C9: variants seen among roughly 807,000 people sequenced by gnomAD.
C9 encodes the protein complement component C9.
C9 carries 63 observed loss-of-function variants against 65.4 expected under a neutral mutation model. That is an observed-to-expected ratio of 0.96 (90% CI 0.79 to 1.19). The LOEUF is 1.19. C9 is among the 50% of genes most tolerant of loss of function. The pLI, the probability that C9 is intolerant of heterozygous loss-of-function variation, is 0.00. For synonymous variants in C9, 229 were observed against 227.9 expected (o/e 1.00, Z -0.04); for missense variants, 744 against 670.1 (o/e 1.11, Z -1.22).
At chr5:39,334,336 C>G (rs536660964) in intron 4 of C9, among the ~76,000 whole-genome samples, 1 of 150,026 alleles carries the variant, frequency 6.7e-6, no homozygotes, top group African/African-American at 2.5e-5. Flanking sequence ...CGTCTCTGCC[C>G]GGCCGCCCCA....
intron 1 of C9, among the ~76,000 whole-genome samples, chr5:39,351,069 C>T (rs750552714): frequency 1.6e-4 from 24 of 152,194 alleles, no homozygotes; most frequent in Admixed American, 5.2e-4. Flanking sequence ...CTTCTGTGCA[C>T]CTGCAGGCCC....
At chr5:39,353,577 A>G (rs758258658) in intron 1 of C9, among the ~76,000 whole-genome samples, 8 of 152,190 alleles carry the variant, frequency 5.3e-5, no homozygotes, top group Non-Finnish European at 8.8e-5. Context: ...TCCCCGTGTA[A>G]TTTAGTTTTC....
At chr5:39,362,670 G>T (rs1233135677) in intron 1 of C9, among the ~76,000 whole-genome samples, 3 of 152,194 alleles carry the variant, frequency 2.0e-5, no homozygotes, top group African/African-American at 4.8e-5. Context: ...GACACTGTTG[G>T]TAAGTAAAGG....
At chr5:39,363,920 C>G (rs1754567632) in intron 1 of C9, among the ~76,000 whole-genome samples, 1 of 152,164 alleles carries the variant, frequency 6.6e-6, no homozygotes, top group Admixed American at 6.5e-5. Flanking sequence ...CTGAACACAA[C>G]TCAGGATGTC....
intron 9 of C9, among the ~76,000 whole-genome samples, chr5:39,295,851 A>G (rs1019611072): frequency 1.3e-5 from 2 of 151,824 alleles, no homozygotes; most frequent in Non-Finnish European, 3.0e-5. Flanking sequence ...AGCAAATGGA[A>G]CAGAACAGAG....
intron 4 of C9, among the ~76,000 whole-genome samples, chr5:39,333,010 G>T (rs779020204): frequency 6.6e-6 from 1 of 152,086 alleles, no homozygotes; most frequent in African/African-American, 2.4e-5. Context: ...CTGACATATA[G>T]ATAAAATTGA....
At chr5:39,295,761 T>C (rs993849991) in intron 9 of C9, among the ~76,000 whole-genome samples, 5 of 151,570 alleles carry the variant, frequency 3.3e-5, no homozygotes, top group African/African-American at 1.2e-4. Context: ...GCTAGGAGTA[T>C]CGCATTATCG....
chr5:39,288,878 G>A lies in C9; in HGVS notation c.1490C>T (p.Ala497Val), dbSNP rs1269774598. Reference protein sequence around the residue: ...AHLKKQNLERAIEDYINEFSV... With the variant: ...AHLKKQNLERVIEDYINEFSV... ...AAATTCATTGATATAGTCTTCAATG[G>A]CTCTTTCCAAGTTTTGTTTCTTTAG... is the stretch of plus-strand genomic sequence containing the variant. The change falls in exon 10 of 11, where the codon GCC (alanine) becomes GTC (valine). Residue 497 changes from alanine (A) to valine (V), a missense_variant. By Grantham distance (64) the Ala-to-Val change is moderately conservative. Transcript: ENST00000263408. 2.4e-5 allele frequency: 39 copies of A among 1,610,130 alleles called. No individual in the cohort carries two copies. The highest frequency in any genetic ancestry group is 3.2e-5 in the Non-Finnish European group (38 of 1,177,098).
chr5:39,350,710 T>C (rs1754306810), intron 1 of C9, among the ~76,000 whole-genome samples: 1 of 152,182 alleles, frequency 6.6e-6, no homozygotes, highest in African/African-American at 2.4e-5. Flanking sequence ...GTTCAGGGAA[T>C]GCTGATGCAA....
At chr5:39,304,065 T>C (rs1329238052) in intron 9 of C9, among the ~76,000 whole-genome samples, 1 of 152,144 alleles carries the variant, frequency 6.6e-6, no homozygotes, top group African/African-American at 2.4e-5. Context: ...AGTTTTTATT[T>C]AGAAGTTTGG....
intron 9 of C9, among the ~76,000 whole-genome samples, chr5:39,295,424 C>T (rs1427655959): frequency 6.6e-6 from 1 of 150,788 alleles, no homozygotes; most frequent in African/African-American, 2.4e-5. Flanking sequence ...CAAACTAGGC[C>T]AAAAAAGAAT....
At chr5:39,352,719 T>A (rs1430580676) in intron 1 of C9, among the ~76,000 whole-genome samples, 1 of 152,246 alleles carries the variant, frequency 6.6e-6, no homozygotes, top group Non-Finnish European at 1.5e-5. Context: ...AATTACTCTC[T>A]AATTCAGTTT....
intron 7 of C9, among the ~76,000 whole-genome samples, chr5:39,310,828 TTC>T (rs2111885938): frequency 6.6e-6 from 1 of 152,320 alleles, no homozygotes; most frequent in South Asian, 2.1e-4. Flanking sequence ...TGTCTGTACT[TTC>T]TTTCACCTTT....
intron 1 of C9, among the ~76,000 whole-genome samples, chr5:39,358,861 T>C (rs1754457910): frequency 6.6e-6 from 1 of 151,220 alleles, no homozygotes; most frequent in South Asian, 2.1e-4. Flanking sequence ...GGCGGGCGCC[T>C]GTAGTCCCAG....
intron 9 of C9, among the ~76,000 whole-genome samples, chr5:39,295,521 A>G (rs1306188337): frequency 6.6e-6 from 1 of 151,708 alleles, no homozygotes; most frequent in Admixed American, 6.6e-5. Context: ...AAACTATGAA[A>G]CACTATTGAA....
chr5:39,303,855 G>A (rs1216851924), intron 9 of C9, among the ~76,000 whole-genome samples: 1 of 152,094 alleles, frequency 6.6e-6, no homozygotes, highest in Non-Finnish European at 1.5e-5. Context: ...GTCTCAGTGA[G>A]TGTGGGTGTG....
At chr5:39,333,742 C>T (rs891720717) in intron 4 of C9, among the ~76,000 whole-genome samples, 3 of 151,788 alleles carry the variant, frequency 2.0e-5, no homozygotes, top group Admixed American at 2.0e-4. Flanking sequence ...CTGCCGAGTG[C>T]CTGCGATTGC....
chr5:39,311,797 A>C (rs1238771015), intron 6 of C9, among the ~76,000 whole-genome samples: 1 of 152,230 alleles, frequency 6.6e-6, no homozygotes, highest in East Asian at 1.9e-4. Flanking sequence ...TCAAGAGAGA[A>C]ATCAATAAAC....
chr5:39,357,397 C>T (rs1469609150), intron 1 of C9, among the ~76,000 whole-genome samples: 2 of 152,158 alleles, frequency 1.3e-5, no homozygotes, highest in East Asian at 1.9e-4. Context: ...TTCCTGATTT[C>T]TCAAGTCTTA....
Sources: allele counts gnomAD v4.1 joint callset (sites outside exome capture counted in the v4.1 genomes callset), GRCh38; gene constraint gnomAD v4.1.1; transcripts MANE v1.5; gene names NCBI Gene and HGNC (gene_info 2026-07-23, HGNC 2026-07-21).